PCDH15: variants seen among roughly 807,000 people sequenced by gnomAD.
PCDH15 encodes protocadherin-15.
A neutral mutation model predicts 178.5 loss-of-function variants in PCDH15; 129 were observed. The ratio of observed to expected loss-of-function variants is 0.72; its 90% CI spans 0.63 to 0.84. The LOEUF (loss-of-function observed/expected upper bound fraction) is 0.84, where lower values mean the gene tolerates loss of function less well. Among genes scored for constraint, PCDH15 ranks in the 40% least tolerant of loss-of-function variants. The pLI is 0.00. For missense variants in PCDH15, 2,230 were observed against 2,099.9 expected, an observed-to-expected ratio of 1.06 and a Z score of -1.21; for synonymous variants, 800 against 732.0, an observed-to-expected ratio of 1.09 and a Z score of -1.50.
intron 21 of PCDH15, among the ~76,000 whole-genome samples, chr10:53,967,279 G>C (rs2089137778): frequency 6.6e-6 from 1 of 152,116 alleles, no homozygotes; most frequent in Non-Finnish European, 1.5e-5. Context: ...CACCATGACT[G>C]TAAGTTTCCT....
intron 3 of PCDH15, among the ~76,000 whole-genome samples, chr10:54,389,247 C>T (rs1217026289): frequency 6.6e-6 from 1 of 152,148 alleles, no homozygotes; most frequent in African/African-American, 2.4e-5. Context: ...AGTGCATGTC[C>T]TCTGGTTATC....
chr10:55,150,780 A>C (rs1238565569), intron 2 of PCDH15, among the ~76,000 whole-genome samples: 1 of 152,186 alleles, frequency 6.6e-6, no homozygotes, highest in African/African-American at 2.4e-5. Flanking sequence ...TTTTACTAGT[A>C]GTTGCTCAGA....
chr10:53,907,750 G>A (rs989800358), intron 25 of PCDH15, among the ~76,000 whole-genome samples: 2 of 152,140 alleles, frequency 1.3e-5, no homozygotes, highest in Non-Finnish European at 2.9e-5. Flanking sequence ...CTTTTATGTA[G>A]TCAAGCTCAG....
At chr10:53,988,176 G>C (rs1015788516) in intron 21 of PCDH15, among the ~76,000 whole-genome samples, 8 of 152,038 alleles carry the variant, frequency 5.3e-5, no homozygotes, top group South Asian at 2.1e-4. Flanking sequence ...TCCTTCTCAC[G>C]GAGTTGCTGA....
rs1554814390 is a variant in PCDH15 at position 53,806,045 on chromosome 10, A to ACAAT, written c.*533_*534insATTG. On this transcript the variant is annotated 3_prime_UTR_variant, in exon 38 of 38. Coordinates refer to ENST00000644397, the MANE Select transcript of PCDH15 (RefSeq NM_001384140.1). ...AAAGAAAACAAGCTCATGATTTAAA[A>ACAAT]TAATTAATTATTTACAGGTGATTCC... The ACAAT allele has an allele frequency of 9.2e-4, 140 of 152,324 alleles. No individual in the cohort carries two copies. Among genetic ancestry groups the ACAAT allele is most frequent in the Admixed American group, 2.7e-3 (41 of 15,240 alleles). The allele number at this position is 152,324 out of a possible 1,614,324, so 9.4% of individuals were successfully genotyped here. A position where few individuals can be genotyped will look rare whatever the true frequency, so the allele number is the denominator to read the frequency against.
At chr10:54,853,859 A>G (rs1953687735) in intron 3 of PCDH15, among the ~76,000 whole-genome samples, 1 of 152,204 alleles carries the variant, frequency 6.6e-6, no homozygotes, top group African/African-American at 2.4e-5. Context: ...GCAAATGTTT[A>G]TGCCACAAGA....
Position 54,337,417 on chromosome 10 carries a change from T to C in PCDH15, c.595-7711A>G, listed in dbSNP as rs1426109079. Among the ~76,000 whole-genome samples, 3 of 152,046 alleles carry C rather than the reference T, an allele frequency of 2.0e-5. No homozygotes were observed. The East Asian group carries it at 5.8e-4, about 29-fold the overall frequency. Reference sequence around the variant, plus strand: ...CTGTAGCTCCCATAATCCCCAAGTGTTGAGGGAGGGACCCGGTGAGAGATA... The same window carrying C: ...CTGTAGCTCCCATAATCCCCAAGTGCTGAGGGAGGGACCCGGTGAGAGATA... On this transcript the variant is annotated intron_variant, in intron 6 of 37. Coordinates refer to ENST00000644397, the MANE Select transcript of PCDH15 (RefSeq NM_001384140.1).
At chr10:54,785,535 A>T (rs1950779099) in intron 1 of PCDH15, among the ~76,000 whole-genome samples, 1 of 151,984 alleles carries the variant, frequency 6.6e-6, no homozygotes, top group Non-Finnish European at 1.5e-5. Flanking sequence ...ATCTGGATTA[A>T]TTAATGTTCC....
At chr10:54,784,339 A>T (rs986885218) in intron 1 of PCDH15, among the ~76,000 whole-genome samples, 3 of 440 alleles carry the variant, frequency 6.8e-3, no homozygotes, top group Admixed American at 0.038. Context: ...AATAATAATA[A>T]AAAAAAAAAA....
chr10:54,766,231 C>T (rs1272879214), intron 1 of PCDH15, among the ~76,000 whole-genome samples: 2 of 151,578 alleles, frequency 1.3e-5, no homozygotes, highest in African/African-American at 4.9e-5. Context: ...TAGTGTAGCA[C>T]AAAACAACAG....
chr10:54,438,206 A>G (rs1459269767), intron 3 of PCDH15, among the ~76,000 whole-genome samples: 5 of 151,206 alleles, frequency 3.3e-5, no homozygotes, highest in African/African-American at 9.7e-5. Context: ...CTATGGCTCC[A>G]TTAGGATTGT....
chr10:54,823,853 A>T (rs560649586), intron 3 of PCDH15, among the ~76,000 whole-genome samples: 1 of 152,338 alleles, frequency 6.6e-6, no homozygotes, highest in East Asian at 1.9e-4. Context: ...AACCCAAGAA[A>T]TAATACTTGA....
chr10:55,180,387 T>G (rs1201809051), intron 1 of PCDH15, among the ~76,000 whole-genome samples: 1 of 152,146 alleles, frequency 6.6e-6, no homozygotes, highest in Non-Finnish European at 1.5e-5. Flanking sequence ...TTTTATTGCT[T>G]CTAATAAGAG....
chr10:53,899,142 C>T (rs375083443), intron 26 of PCDH15, among the ~76,000 whole-genome samples: 1 of 139,768 alleles, frequency 7.2e-6, no homozygotes, highest in Non-Finnish European at 1.6e-5. Context: ...TACTTTTTTT[C>T]GGGGGGGGGT....
At chr10:54,952,835 A>G (rs1204884330) in intron 2 of PCDH15, among the ~76,000 whole-genome samples, 18 of 151,650 alleles carry the variant, frequency 1.2e-4, no homozygotes, top group Non-Finnish European at 3.0e-5. Flanking sequence ...ACTTTTTAAA[A>G]TTAACTGTTT....
At chr10:54,986,511 TGA>T (rs988696441) in intron 2 of PCDH15, among the ~76,000 whole-genome samples, 9 of 152,134 alleles carry the variant, frequency 5.9e-5, no homozygotes, top group East Asian at 1.9e-4. Flanking sequence ...TTAGCAGGAG[TGA>T]GAGAGTCAGT....
chr10:55,075,287 C>T (rs902630631), intron 2 of PCDH15, among the ~76,000 whole-genome samples: 1 of 151,582 alleles, frequency 6.6e-6, no homozygotes, highest in Non-Finnish European at 1.5e-5. Context: ...AATTGTGAGG[C>T]TCAATTTTGT....
intron 35 of PCDH15, among the ~76,000 whole-genome samples, chr10:53,813,820 C>CT (rs2075965088): frequency 6.6e-6 from 1 of 151,908 alleles, no homozygotes; most frequent in Non-Finnish European, 1.5e-5. Flanking sequence ...CAAGAACTGA[C>CT]TAAAGAATAT....
chr10:55,206,373 T>C (rs537084344), intron 1 of PCDH15, among the ~76,000 whole-genome samples: 2 of 152,200 alleles, frequency 1.3e-5, no homozygotes, highest in Admixed American at 6.5e-5. Flanking sequence ...CTTTTCCAAG[T>C]CTCTTTCCCA....
Sources: allele counts gnomAD v4.1 joint callset (sites outside exome capture counted in the v4.1 genomes callset), GRCh38; gene constraint gnomAD v4.1.1; transcripts MANE v1.5; gene names NCBI Gene and HGNC (gene_info 2026-07-23, HGNC 2026-07-21).